Variants in SDK2 observed in about 807,000 individuals in gnomAD.
SDK2 encodes the protein protein sidekick-2.
A neutral mutation model predicts 253.9 loss-of-function variants in SDK2; 105 were observed. That is an observed-to-expected ratio of 0.41 (90% CI 0.35 to 0.49). SDK2 has a LOEUF of 0.49. Among genes scored for constraint, SDK2 ranks in the 20% least tolerant of loss-of-function variants. The pLI is 0.06. For missense variants in SDK2, 2,608 were observed against 3,003.0 expected (o/e 0.87, Z 3.07); for synonymous variants, 1,249 against 1,234.9 (o/e 1.01, Z -0.24).
chr17:73,544,355 T>C (rs1454394384), intron 1 of SDK2, among the ~76,000 whole-genome samples: 1 of 152,200 alleles, frequency 6.6e-6, no homozygotes. Flanking sequence ...TGCCATTCCC[T>C]TGCCTGTCTC....
rs539851884 is a variant in SDK2, at chr17:73,417,002, G to A, written c.2187-1010C>T. 1.7e-4 allele frequency among the ~76,000 whole-genome samples: 26 copies of A among 152,296 alleles called. No homozygotes were observed. The South Asian group carries it at 4.8e-3, about 28-fold the overall frequency. ...GAAACATTGAAAAAATTAAGAAAAA[G>A]TTATATCATAAATGCATAAAAATAT... On this transcript the variant is annotated intron_variant, in intron 16 of 44. Coordinates refer to ENST00000392650, the MANE Select transcript of SDK2 (RefSeq NM_001144952.2).
chr17:73,582,639 G>A (rs1467484051), intron 1 of SDK2, among the ~76,000 whole-genome samples: 2 of 152,190 alleles, frequency 1.3e-5, no homozygotes, highest in Admixed American at 1.3e-4. Flanking sequence ...CTGCTGGGCA[G>A]CCTGGATGTA....
intron 1 of SDK2, among the ~76,000 whole-genome samples, chr17:73,555,412 G>A (rs113585720): frequency 2.0e-5 from 3 of 152,168 alleles, no homozygotes; most frequent in Admixed American, 6.5e-5. Context: ...CATTGGGAGC[G>A]GTGCACTGGA....
chr17:73,403,912 TTTAA>T (rs2063049795), intron 18 of SDK2, among the ~76,000 whole-genome samples: 1 of 152,260 alleles, frequency 6.6e-6, no homozygotes, highest in African/African-American at 2.4e-5. Flanking sequence ...TTTAATTTAA[TTTAA>T]TTAATGTACA....
chr17:73,641,496 T>C (rs1447526645), intron 1 of SDK2, among the ~76,000 whole-genome samples: 1 of 152,196 alleles, frequency 6.6e-6, no homozygotes, highest in Admixed American at 6.5e-5. Context: ...GAAATGAGTT[T>C]GCATCATGTG....
chr17:73,343,422 C>T (rs1054833336), intron 44 of SDK2, among the ~76,000 whole-genome samples: 144 of 152,326 alleles, frequency 9.5e-4, no homozygotes, highest in Non-Finnish European at 3.8e-4. Context: ...GGGGGTAGGG[C>T]GAGAAGAGAA....
chr17:73,389,373 G>A (rs1031929424), intron 29 of SDK2, among the ~76,000 whole-genome samples: 15 of 151,812 alleles, frequency 9.9e-5, no homozygotes, highest in Non-Finnish European at 1.5e-5. Context: ...TAGTAGGGAC[G>A]AGGTTTCACC....
intron 8 of SDK2, among the ~76,000 whole-genome samples, chr17:73,436,704 T>C (rs959408930): frequency 3.3e-5 from 5 of 152,052 alleles, no homozygotes; most frequent in African/African-American, 1.2e-4. Context: ...CCTTTGATCC[T>C]GACAGCCTGT....
Position 73,352,447 on chromosome 17 carries a change from C to T in SDK2, c.5758+26G>A, listed in dbSNP as rs370202582. 4 of 1,597,192 alleles carry T rather than the reference C, an allele frequency of 2.5e-6. No homozygotes were observed. Among genetic ancestry groups the T allele is most frequent in the Admixed American group, 1.8e-5 (1 of 57,028 alleles). On this transcript the variant is annotated intron_variant, in intron 41 of 44. Coordinates refer to ENST00000392650, the MANE Select transcript of SDK2 (RefSeq NM_001144952.2). This position sits in a 1 kb window ranked among gnomAD's most constrained non-coding sequence, Gnocchi z 4.1. ...CCCAGGCTCTGCTGTGGGGCTCCCC[C>T]ACTCCCTCAGCCCCCAGGCCGGTAC...
In SDK2 at chr17:73,465,654, A is replaced by G. The variant is rs1358239403; in HGVS notation, c.331+6458T>C. Reference sequence around the variant, plus strand: ...GACTTCCCCTTAATTGCTGTAATTAAAAACATGTAAAGAATCCTTTTTTAA... The same window carrying G: ...GACTTCCCCTTAATTGCTGTAATTAGAAACATGTAAAGAATCCTTTTTTAA... On this transcript the variant is annotated intron_variant, in intron 3 of 44. Coordinates refer to ENST00000392650, the MANE Select transcript of SDK2 (RefSeq NM_001144952.2). This position sits in a 1 kb window ranked among gnomAD's most constrained non-coding sequence, Gnocchi z 4.2. Among the ~76,000 whole-genome samples the G allele has an allele frequency of 6.6e-6, 1 of 152,208 alleles. No individual in the cohort carries two copies. Among genetic ancestry groups the G allele is most frequent in the Non-Finnish European group, 1.5e-5 (1 of 68,040 alleles).
intron 3 of SDK2, among the ~76,000 whole-genome samples, chr17:73,459,329 C>T (rs988513530): frequency 1.4e-4 from 21 of 152,180 alleles, no homozygotes; most frequent in African/African-American, 4.3e-4. Flanking sequence ...CCTCACTGCC[C>T]TGGGAAAGTC....
rs778213729 is a variant in SDK2, at chr17:73,379,497, C to T, written c.4815G>A (p.Val1605=). The T allele has an allele frequency of 3.1e-6, 5 of 1,612,628 alleles. No homozygotes were observed. The highest frequency in any genetic ancestry group is 3.4e-6 in the Non-Finnish European group (4 of 1,179,322). ...YEIRMSVYNA[V]GEGPSSPPQE... ...GCGGGGGGCTGGAGGGCCCCTCACC[C>T]ACAGCGTTGTACACGCTCATCCGTA... Residue 1605 remains valine (V), a synonymous_variant, in exon 35 of 45, where the codon GTG becomes GTA. Coordinates refer to ENST00000392650, the MANE Select transcript of SDK2 (RefSeq NM_001144952.2). This position sits in a 1 kb window ranked among gnomAD's most constrained non-coding sequence, Gnocchi z 4.5.
chr17:73,531,499 T>C (rs2064168836), intron 1 of SDK2, among the ~76,000 whole-genome samples: 1 of 152,098 alleles, frequency 6.6e-6, no homozygotes, highest in Non-Finnish European at 1.5e-5. Context: ...ATTCAATAAA[T>C]ATTTTCTGAA....
intron 1 of SDK2, among the ~76,000 whole-genome samples, chr17:73,563,032 C>G (rs1389713114): frequency 6.6e-6 from 1 of 152,200 alleles, no homozygotes; most frequent in South Asian, 2.1e-4. Flanking sequence ...AGGGGAAGGA[C>G]AGCTCCGCTC....
At position 73,431,730 on chromosome 17, in the gene SDK2, C is replaced by T. The variant is rs545161564; in HGVS notation, c.1313-61G>A. 6.7e-7 allele frequency: 1 copy of T among 1,487,102 alleles called. No individual in the cohort carries two copies. Among genetic ancestry groups the T allele is most frequent in the African/African-American group, 1.4e-5 (1 of 71,458 alleles). The allele number at this position is 1,487,102 out of a possible 1,614,324, so 92.1% of individuals were successfully genotyped here. ...CCCCAAGGGCACACCCTGCCCTTCC[C>T]TGGCCGCTCCAGGGCAGCATGGTCC... On this transcript the variant is annotated intron_variant, in intron 10 of 44. Transcript: ENST00000392650. The surrounding 1 kb of genome is among the most constrained non-coding windows in gnomAD (Gnocchi z 5.6).
At chr17:73,619,821 T>C (rs1290127631) in intron 1 of SDK2, among the ~76,000 whole-genome samples, 1 of 152,200 alleles carries the variant, frequency 6.6e-6, no homozygotes, top group Non-Finnish European at 1.5e-5. Flanking sequence ...TTGCAAATCA[T>C]ACATCTGACA....
Position 73,435,992 on chromosome 17 carries a change from G to A in SDK2, c.1001-348C>T, listed in dbSNP as rs936183551. Among the ~76,000 whole-genome samples the A allele has an allele frequency of 2.0e-5, 3 of 152,096 alleles. No individual in the cohort carries two copies. The highest frequency in any genetic ancestry group is 7.2e-5 in the African/African-American group (3 of 41,396). ...TGGTCTAGAACTCTTGGTTTCAAGC[G>A]TTCCTCCCACCTCAGCCTCCCAAAG... On this transcript the variant is annotated intron_variant, in intron 8 of 44. Transcript: ENST00000392650. The surrounding 1 kb of genome is among the most constrained non-coding windows in gnomAD (Gnocchi z 5.7).
At chr17:73,384,323 A>G (rs1346621288) in intron 32 of SDK2, among the ~76,000 whole-genome samples, 1 of 152,134 alleles carries the variant, frequency 6.6e-6, no homozygotes, top group East Asian at 1.9e-4. Context: ...TGGAGCACAC[A>G]GCTGTTTTCC....
chr17:73,483,577 GTGTATATATA>G (rs1238094442), intron 2 of SDK2, among the ~76,000 whole-genome samples: 18 of 137,036 alleles, frequency 1.3e-4, no homozygotes, highest in Non-Finnish European at 2.3e-4. Context: ...ATATATGTAT[GTGTATATATA>G]TGTATATATA....
Sources: gnomAD v4.1 joint callset for allele counts (sites outside exome capture counted in the v4.1 genomes callset) on GRCh38, gnomAD v4.1.1 for gene constraint, Gnocchi (gnomAD v3.1) non-coding constraint, MANE v1.5 for transcripts, NCBI Gene and HGNC (gene_info 2026-07-23, HGNC 2026-07-21) for gene names.